P2RX7: variants seen among roughly 807,000 people sequenced by gnomAD.
P2RX7 encodes purinergic receptor P2X 7, also known as P2X purinoceptor 7.
A neutral mutation model predicts 71.6 loss-of-function variants in P2RX7; 62 were observed. The ratio of observed to expected loss-of-function variants is 0.87; its 90% CI spans 0.71 to 1.07. P2RX7 has a LOEUF of 1.07. Among genes scored for constraint, P2RX7 ranks in the 50% least tolerant of loss-of-function variants. The pLI, the probability that P2RX7 is intolerant of heterozygous loss-of-function variation, is 0.00. For missense variants in P2RX7, 686 were observed against 748.5 expected (o/e 0.92, Z 0.97); for synonymous variants, 299 against 283.3 (o/e 1.06, Z -0.56).
rs1198830786 is a variant in P2RX7 at position 121,185,834 on chromosome 12, T to A, written c.*1032T>A. ...ACTTTGGGAGACCAAGGCGGGCGGA[T>A]CACTTAAAGTCAGGAGTCCAAGACC... On this transcript the variant is annotated 3_prime_UTR_variant, in exon 13 of 13. Coordinates refer to ENST00000328963, the MANE Select transcript of P2RX7 (RefSeq NM_002562.6). 1.3e-5 allele frequency: 2 copies of A among 151,956 alleles called. No homozygotes were observed. The highest frequency in any genetic ancestry group is 1.9e-4 in the East Asian group (1 of 5,190). 9.4% of individuals were successfully genotyped at this position (151,956 alleles called of 1,614,324 possible).
At chr12:121,151,832 G>A (rs1479846653) in intron 1 of P2RX7, among the ~76,000 whole-genome samples, 1 of 151,866 alleles carries the variant, frequency 6.6e-6, no homozygotes, top group African/African-American at 2.4e-5. Context: ...CTGTCTCTGT[G>A]GATTCACCTA....
Position 121,156,093 on chromosome 12 carries a change from C to T in P2RX7, c.309C>T (p.Phe103=), listed in dbSNP as rs778230250. 5 of 1,614,050 alleles carry T rather than the reference C, an allele frequency of 3.1e-6. No homozygotes were observed. The highest frequency in any genetic ancestry group is 2.2e-5 in the East Asian group (1 of 44,886). The change falls in exon 3 of 13, where the codon TTC becomes TTT. Residue 103 remains phenylalanine (F), a synonymous_variant. Transcript: ENST00000328963. Reference sequence around the variant, plus strand: ...CTTCTCCACAGGGGAACTCTTTCTTCGTGATGACAAACTTTCTCAAAACAG... The same window carrying T: ...CTTCTCCACAGGGGAACTCTTTCTTTGTGATGACAAACTTTCTCAAAACAG... ...YTFPLQGNSF[F]VMTNFLKTEG...
intron 8 of P2RX7, among the ~76,000 whole-genome samples, chr12:121,169,082 C>T (rs1406504427): frequency 6.6e-6 from 1 of 152,142 alleles, no homozygotes; most frequent in Non-Finnish European, 1.5e-5. Context: ...CCTCCCACCT[C>T]AGCCTCCTGA....
intron 1 of P2RX7, 42 bp downstream of exon 1, chr12:121,133,137 G>C (rs28360442): frequency 0.03 from 48,000 of 1,611,152 alleles, 857 homozygotes; most frequent in Non-Finnish European, 0.036. Context: ...TGCAGTGGCC[G>C]ACAGCACAGA....
At chr12:121,167,262 G>A (rs1881270026) in intron 7 of P2RX7, among the ~76,000 whole-genome samples, 1 of 152,086 alleles carries the variant, frequency 6.6e-6, no homozygotes. Context: ...TTAGGACAAT[G>A]AGTTTAACGG....
chr12:121,159,628 T>C (rs555002108), intron 3 of P2RX7, among the ~76,000 whole-genome samples: 1 of 152,184 alleles, frequency 6.6e-6, no homozygotes, highest in South Asian at 2.1e-4. Context: ...CACACCTATG[T>C]CATGTTCTGG....
chr12:121,153,999 G>A (rs1878042343), intron 1 of P2RX7, among the ~76,000 whole-genome samples: 1 of 152,128 alleles, frequency 6.6e-6, no homozygotes, highest in Admixed American at 6.5e-5. Flanking sequence ...ATACATGCCT[G>A]TAGTTCCAGC....
intron 8 of P2RX7, among the ~76,000 whole-genome samples, chr12:121,171,359 CT>C (rs34595094): frequency 0.051 from 5,370 of 104,968 alleles, 105 homozygotes; most frequent in African/African-American, 0.12. Context: ...TCTTCAATCT[CT>C]TTTTTTTTTT....
intron 1 of P2RX7, among the ~76,000 whole-genome samples, chr12:121,142,949 C>T (rs544463420): frequency 1.2e-4 from 18 of 150,678 alleles, no homozygotes; most frequent in Non-Finnish European, 2.1e-4. Flanking sequence ...GTTAGCTGGG[C>T]GCGCACCTGT....
At chr12:121,148,634 T>G (rs1056937715) in intron 1 of P2RX7, among the ~76,000 whole-genome samples, 2 of 152,024 alleles carry the variant, frequency 1.3e-5, no homozygotes, top group African/African-American at 4.8e-5. Flanking sequence ...AGCCACTAAG[T>G]TTGTGGTAAT....
chr12:121,167,400 A>T, intron 7 of P2RX7, 88 bp from the exon 8 acceptor site: 1 of 1,502,548 alleles, frequency 6.7e-7, no homozygotes, highest in Non-Finnish European at 9.1e-7. Context: ...TAAAAACCTT[A>T]AGCAATCCTG....
At chr12:121,169,910 A>G (rs1246827811) in intron 8 of P2RX7, among the ~76,000 whole-genome samples, 1 of 151,922 alleles carries the variant, frequency 6.6e-6, no homozygotes, top group Admixed American at 6.6e-5. Flanking sequence ...AGACCCTTAC[A>G]TGGTGGCCAC....
chr12:121,167,653 C>T, intron 8 of P2RX7, 29 bp downstream of exon 8: 1 of 1,493,944 alleles, frequency 6.7e-7, no homozygotes, highest in Non-Finnish European at 8.9e-7. Flanking sequence ...TCAAACTCAC[C>T]CAGTGGCTGA....
chr12:121,169,602 T>C (rs1881767882), intron 8 of P2RX7, among the ~76,000 whole-genome samples: 1 of 152,190 alleles, frequency 6.6e-6, no homozygotes, highest in Non-Finnish European at 1.5e-5. Flanking sequence ...TTGGTCTGCA[T>C]GATGTTTTAA....
Position 121,156,651 on chromosome 12 carries a change from G to A in P2RX7, c.363+504G>A, listed in dbSNP as rs527943002. 2.0e-5 allele frequency among the ~76,000 whole-genome samples: 3 copies of A among 152,302 alleles called. No homozygotes were observed. The South Asian group carries it at 6.2e-4, about 32-fold the overall frequency. On this transcript the variant is annotated intron_variant, in intron 3 of 12. Transcript: ENST00000328963. ...ACAGCTTCTCCTACCATGGTTCACA[G>A]TGAACTGTCTGCAGGGCTGGTCTTG...
In P2RX7 at chr12:121,177,156, T is replaced by G; in HGVS notation, c.982T>G (p.Phe328Val). The G allele has an allele frequency of 1.2e-6, 2 of 1,614,142 alleles. No individual in the cohort carries two copies. The highest frequency in any genetic ancestry group is 3.3e-4 in the Middle Eastern group (2 of 6,046). Residue 328 changes from phenylalanine to valine, a missense_variant, in exon 10 of 13, where the codon TTT becomes GTT. Phe to Val is a conservative substitution (Grantham distance 50). Coordinates refer to ENST00000328963, the MANE Select transcript of P2RX7 (RefSeq NM_002562.6). The stretch of plus-strand genomic sequence containing the variant: ...CCCACTCTGTTTTTAGGGAGGAAAA[T>G]TTGACATTATCCAGCTGGTTGTGTA... ...DILVFGTGGKFDIIQLVVYIG... is the reference protein window; with the variant it reads ...DILVFGTGGKVDIIQLVVYIG...
In P2RX7 at chr12:121,175,609, T is replaced by G. The variant is rs563187353; in HGVS notation, c.972+131T>G. ...AGCACTGGGCATTTCGCACATGGGA[T>G]AAAAGAGGAAGAAGATGTTCTCGGG... On this transcript the variant is annotated intron_variant, in intron 9 of 12. Transcript: ENST00000328963. 8.6e-5 allele frequency: 53 copies of G among 617,026 alleles called. 1 individual carries two copies. In the South Asian group the frequency reaches 8.9e-4, roughly 10 times the overall value. The allele number at this position is 617,026 out of a possible 1,614,324, so 38.2% of individuals were successfully genotyped here.
At chr12:121,168,280 C>CTTTTT (rs1555227620) in intron 8 of P2RX7, among the ~76,000 whole-genome samples, 2 of 143,340 alleles carry the variant, frequency 1.4e-5, no homozygotes, top group Non-Finnish European at 1.5e-5. Context: ...CTTTTCTTTT[C>CTTTTT]TTTTTTTTTT....
chr12:121,138,763 C>A (rs1464155423), intron 1 of P2RX7, among the ~76,000 whole-genome samples: 1 of 152,198 alleles, frequency 6.6e-6, no homozygotes, highest in East Asian at 1.9e-4. Flanking sequence ...AATTGCTGAC[C>A]CCCTATTCTT....
Sources: allele counts gnomAD v4.1 joint callset (sites outside exome capture counted in the v4.1 genomes callset), GRCh38; gene constraint gnomAD v4.1.1; transcripts MANE v1.5; gene names NCBI Gene and HGNC (gene_info 2026-07-23, HGNC 2026-07-21).